Variants in HERC2 observed in about 807,000 individuals in gnomAD.
HERC2 encodes HECT and RLD domain containing E3 ubiquitin protein ligase 2, also known as E3 ubiquitin-protein ligase HERC2.
Under a neutral mutation model 537.7 loss-of-function variants are expected in HERC2, and 102 were observed. That is an observed-to-expected ratio of 0.19 (90% CI 0.16 to 0.22). The LOEUF is 0.22. HERC2 is among the 10% of genes least tolerant of loss of function. HERC2 has a pLI of 1.00. For missense variants in HERC2, 4,236 were observed against 6,198.2 expected, an observed-to-expected ratio of 0.68 and a Z score of 10.63; for synonymous variants, 2,224 against 2,466.2, an observed-to-expected ratio of 0.90 and a Z score of 2.91.
intron 83 of HERC2, among the ~76,000 whole-genome samples, chr15:28,126,851 A>T (rs1042930300): frequency 8.5e-5 from 13 of 152,212 alleles, no homozygotes; most frequent in African/African-American, 3.1e-4. Flanking sequence ...GTTCGCCAAA[A>T]ACTTGTTGAA....
intron 37 of HERC2, among the ~76,000 whole-genome samples, chr15:28,219,242 C>T (rs898513908): frequency 6.6e-6 from 1 of 152,212 alleles, no homozygotes; most frequent in Non-Finnish European, 1.5e-5. Flanking sequence ...TGGAGTGGGG[C>T]GACCAGACGC....
chr15:28,148,238 GAAGACAGAATTACAATAAA>G (rs1891976435), intron 70 of HERC2, among the ~76,000 whole-genome samples: 1 of 152,056 alleles, frequency 6.6e-6, no homozygotes. Flanking sequence ...TTATAAAGCT[GAAGACAGAATTACAATAAA>G]ACTACATTCC....
rs776774247 is a variant in HERC2, at chr15:28,144,014, A to G, written c.11300-23T>C. 25 of 1,614,090 alleles carry G rather than the reference A, an allele frequency of 1.5e-5. 1 individual carries two copies. The South Asian group carries it at 2.5e-4, about 16-fold the overall frequency. ...CAGCTGAAATGAGCAGAGAGAAAGTATCAGAAGTCTGATGGTTTCTTCCAA... is the reference window on the plus strand; with the variant it reads ...CAGCTGAAATGAGCAGAGAGAAAGTGTCAGAAGTCTGATGGTTTCTTCCAA... On this transcript the variant is annotated intron_variant, in intron 73 of 92. Transcript: ENST00000261609.
chr15:28,142,823 T>C lies in HERC2; in HGVS notation c.11544+4A>G, dbSNP rs1307960602. 2 of 1,522,622 alleles carry C rather than the reference T, an allele frequency of 1.3e-6. No homozygotes were observed. Among genetic ancestry groups the C allele is most frequent in the Non-Finnish European group, 1.8e-6 (2 of 1,124,790 alleles). 94.3% of individuals were successfully genotyped at this position (1,522,622 alleles called of 1,614,324 possible). Reference sequence around the variant, plus strand: ...GTCACTTTAAAAAAGAAGTGAAACATTACCTTAAAGAATGGGCTGTGGAGC... The same window carrying C: ...GTCACTTTAAAAAAGAAGTGAAACACTACCTTAAAGAATGGGCTGTGGAGC... On this transcript the variant is annotated splice_donor_region_variant and intron_variant, in intron 75 of 92. Transcript: ENST00000261609.
intron 68 of HERC2, 132 bp from the exon 69 acceptor site, chr15:28,163,417 T>G: frequency 1.3e-6 from 1 of 745,458 alleles, no homozygotes; most frequent in Non-Finnish European, 2.1e-6. Flanking sequence ...TTTAAGACCT[T>G]AAGAAACAGA....
At chr15:28,272,114 C>G (rs906509544) in intron 9 of HERC2, 101 bp downstream of exon 9, 1 of 1,089,748 alleles carries the variant, frequency 9.2e-7, no homozygotes, top group Non-Finnish European at 1.3e-6. Flanking sequence ...AACACACACA[C>G]GCCAGAGAAA....
At chr15:28,227,597 G>T (rs1901344668) in intron 35 of HERC2, among the ~76,000 whole-genome samples, 1 of 152,120 alleles carries the variant, frequency 6.6e-6, no homozygotes, top group African/African-American at 2.4e-5. Flanking sequence ...TAGTTTCTCA[G>T]TAAGTTACAC....
Position 28,265,869 on chromosome 15 carries a change from G to A in HERC2, c.1704C>T (p.Ala568=), listed in dbSNP as rs143388037. ...CGSTYSAAIT[A]EGELYTWGRG... ...GGCCCCAGGTGTACAGCTCCCCCTC[G>A]GCAGTGATGGCCGCACTGTAAGTGC... Residue 568 remains alanine, a synonymous_variant, in exon 13 of 93, where the codon GCC becomes GCT. Coordinates refer to ENST00000261609, the MANE Select transcript of HERC2 (RefSeq NM_004667.6). This position sits in a 1 kb window ranked among gnomAD's most constrained non-coding sequence, Gnocchi z 4.0. 690 of 1,614,084 alleles carry A rather than the reference G, an allele frequency of 4.3e-4. 4 individuals carry two copies. Among genetic ancestry groups the A allele is most frequent in the Non-Finnish European group, 5.4e-4 (639 of 1,180,028 alleles).
intron 2 of HERC2, among the ~76,000 whole-genome samples, chr15:28,313,580 CT>C (rs1264395779): frequency 6.6e-6 from 1 of 152,200 alleles, no homozygotes; most frequent in Non-Finnish European, 1.5e-5. Flanking sequence ...GAAAATGTTT[CT>C]TTTTCATGTC....
chr15:28,115,731 C>T (rs1325479120), intron 88 of HERC2, among the ~76,000 whole-genome samples, 190 bp from the exon 89 acceptor site: 1 of 35,230 alleles, frequency 2.8e-5, no homozygotes, highest in Non-Finnish European at 9.2e-4. Context: ...TCCTTTTGTG[C>T]CTAAAAGCCT....
At chr15:28,179,273 G>C in intron 57 of HERC2, 50 bp from the exon 58 acceptor site, 3 of 1,369,894 alleles carry the variant, frequency 2.2e-6, no homozygotes, top group Non-Finnish European at 3.1e-6. Context: ...AATTTTACTT[G>C]CATGTTTAAA....
chr15:28,127,605 T>A (rs1889643899), intron 83 of HERC2, among the ~76,000 whole-genome samples: 1 of 152,182 alleles, frequency 6.6e-6, no homozygotes, highest in African/African-American at 2.4e-5. Context: ...ACACCCATCA[T>A]CCAGACCTTG....
intron 69 of HERC2, among the ~76,000 whole-genome samples, chr15:28,160,509 C>T (rs866327279): frequency 6.6e-6 from 1 of 152,214 alleles, no homozygotes; most frequent in Non-Finnish European, 1.5e-5. Flanking sequence ...AGCGAGGCTC[C>T]GTGGGCGTGG....
chr15:28,184,128 T>C (rs1265147430), intron 56 of HERC2, among the ~76,000 whole-genome samples: 2 of 151,780 alleles, frequency 1.3e-5, no homozygotes, highest in African/African-American at 2.4e-5. Flanking sequence ...GAGGCAGAGG[T>C]TGCAGTGAGC....
intron 71 of HERC2, among the ~76,000 whole-genome samples, chr15:28,145,362 A>C (rs1293057448): frequency 6.6e-6 from 1 of 152,226 alleles, no homozygotes; most frequent in East Asian, 1.9e-4. Context: ...GAAGGCCAAG[A>C]GAACCCTGCC....
chr15:28,301,279 G>A (rs2076616436), intron 2 of HERC2, among the ~76,000 whole-genome samples: 1 of 151,986 alleles, frequency 6.6e-6, no homozygotes, highest in African/African-American at 2.4e-5. Flanking sequence ...GCTGGGCATG[G>A]TGGCAGGCGC....
chr15:28,287,740 G>GTTTTTTTTTTTTTTTTTTTTATTTT (rs1461307820), intron 4 of HERC2, among the ~76,000 whole-genome samples: 1 of 141,050 alleles, frequency 7.1e-6, no homozygotes, highest in Non-Finnish European at 1.5e-5. Flanking sequence ...TTTTTTTTTG[G>GTTTTTTTTTTTTTTTTTTTTATTTT]TTTGAGATGG....
chr15:28,207,362 C>G (rs1458814643), intron 44 of HERC2, among the ~76,000 whole-genome samples: 1 of 152,136 alleles, frequency 6.6e-6, no homozygotes, highest in Non-Finnish European at 1.5e-5. Context: ...TCTCGAACTC[C>G]TGACCTCAGG....
chr15:28,301,729 GTATGTGTATATATATATATATA>G (rs1212736460), intron 2 of HERC2, among the ~76,000 whole-genome samples: 1,189 of 37,856 alleles, frequency 0.031, 62 homozygotes, highest in African/African-American at 0.095. Context: ...CTAGTTGTAT[GTATGTGTATATATATATATATA>G]TATATATATA....
Sources: gnomAD v4.1 joint callset for allele counts (sites outside exome capture counted in the v4.1 genomes callset) on GRCh38, gnomAD v4.1.1 for gene constraint, Gnocchi (gnomAD v3.1) non-coding constraint, MANE v1.5 for transcripts, NCBI Gene and HGNC (gene_info 2026-07-23, HGNC 2026-07-21) for gene names.